Variants in PSMC6 observed in about 807,000 individuals in gnomAD.
The protein encoded by PSMC6 is 26S proteasome regulatory subunit 10B.
A neutral mutation model predicts 55.9 loss-of-function variants in PSMC6; 3 were observed. The ratio of observed to expected loss-of-function variants is 0.05; its 90% CI spans 0.02 to 0.14. The LOEUF (loss-of-function observed/expected upper bound fraction) is 0.14. PSMC6 is among the 10% of genes least tolerant of loss of function. The pLI is 1.00. For missense variants in PSMC6, 210 were observed against 478.7 expected (o/e 0.44, Z 5.24); for synonymous variants, 137 against 155.9 (o/e 0.88, Z 0.90).
chr14:52,723,015 T>G (rs1880263175), intron 12 of PSMC6: 1 of 152,240 alleles, frequency 6.6e-6, no homozygotes, highest in African/African-American at 2.4e-5. Context: ...ATTGTTGAAT[T>G]TCACTATCTT....
chr14:52,727,696 A>G lies in PSMC6; in HGVS notation c.*79A>G. The G allele has an allele frequency of 1.1e-5, 10 of 897,456 alleles. No individual in the cohort carries two copies. The highest frequency in any genetic ancestry group is 1.7e-5 in the African/African-American group (1 of 59,854). 55.6% of individuals were successfully genotyped at this position (897,456 alleles called of 1,614,324 possible). On this transcript the variant is annotated 3_prime_UTR_variant, in exon 14 of 14. Coordinates refer to ENST00000445930, the MANE Select transcript of PSMC6 (RefSeq NM_002806.5). ...TAAAGTTAAAGAAAATAATGTATGTATTGGTAATGATGTCATTAAAAGTAT... is the reference window on the plus strand; with the variant it reads ...TAAAGTTAAAGAAAATAATGTATGTGTTGGTAATGATGTCATTAAAAGTAT...
chr14:52,723,836 A>G, intron 12 of PSMC6, 129 bp from the exon 13 acceptor site: 1 of 1,441,158 alleles, frequency 6.9e-7, no homozygotes, highest in African/African-American at 1.4e-5. Context: ...AATATTGTGG[A>G]AAGTTAACAG....
chr14:52,712,394 A>AAAAAAAAAT (rs398025076), intron 6 of PSMC6, among the ~76,000 whole-genome samples: 8 of 151,662 alleles, frequency 5.3e-5, no homozygotes, highest in African/African-American at 1.9e-4. Context: ...TAAAAAAAAA[A>AAAAAAAAAT]GGCAGTTCTC....
At chr14:52,717,330 A>AT (rs71125121) in intron 7 of PSMC6, among the ~76,000 whole-genome samples, 49,730 of 110,868 alleles carry the variant, frequency 0.45, 12,581 homozygotes, top group Middle Eastern at 0.55. Context: ...GTACTTTGGA[A>AT]TTTTTTTTTT....
At position 52,724,571 on chromosome 14, in the gene PSMC6, T is replaced by TGAG. The variant is rs1566662113; in HGVS notation, c.1051+535_1051+536insGAG. On this transcript the variant is annotated intron_variant, in intron 13 of 13. Transcript: ENST00000445930. ...AATTGTGTATGTTGTCTAATACTAGTCTGTGAGCAGTGTTTTGAAAGATTG... is the reference window on the plus strand; with the variant it reads ...AATTGTGTATGTTGTCTAATACTAGTGAGCTGTGAGCAGTGTTTTGAAAGATTG... Among the ~76,000 whole-genome samples the TGAG allele has an allele frequency of 5.8e-4, 89 of 152,368 alleles. 1 individual carries two copies. Among genetic ancestry groups the TGAG allele is most frequent in the African/African-American group, 1.5e-3 (63 of 41,594 alleles).
In PSMC6 at chr14:52,724,713, T is replaced by C. The variant is rs114640558; in HGVS notation, c.1051+677T>C. Among the ~76,000 whole-genome samples, 586 of 152,380 alleles carry C rather than the reference T, an allele frequency of 3.8e-3. 3 individuals carry two copies. Among genetic ancestry groups the C allele is most frequent in the African/African-American group, 0.013 (547 of 41,594 alleles). The stretch of plus-strand genomic sequence containing the variant: ...TACATGGTATGTAAAAATTGTGTGA[T>C]GCTATTTTTATTTCCAGTACCAAGT... On this transcript the variant is annotated intron_variant, in intron 13 of 13. Transcript: ENST00000445930.
Position 52,711,003 on chromosome 14 carries a change from G to A in PSMC6, c.259-98G>A, listed in dbSNP as rs553675825. The A allele has an allele frequency of 1.7e-3, 1,230 of 710,770 alleles. 5 individuals are homozygous for A. The highest frequency in any genetic ancestry group is 2.4e-3 in the Non-Finnish European group (997 of 413,380). 44.0% of individuals were successfully genotyped at this position (710,770 alleles called of 1,614,324 possible). On this transcript the variant is annotated intron_variant, in intron 4 of 13. Transcript: ENST00000445930. ...TCTGATATTTGTGTTCTCTCTGGAGGGTAAAAATGAGTGTTTGGCTTCTAA... is the reference window on the plus strand; with the variant it reads ...TCTGATATTTGTGTTCTCTCTGGAGAGTAAAAATGAGTGTTTGGCTTCTAA...
chr14:52,708,691 C>T (rs534696454), intron 3 of PSMC6, 73 bp from the exon 4 acceptor site: 5 of 1,595,412 alleles, frequency 3.1e-6, no homozygotes, highest in South Asian at 1.1e-5. Context: ...TACAACTAAA[C>T]CCTCTGTCAA....
At chr14:52,713,289 C>T (rs2041795062) in intron 6 of PSMC6, among the ~76,000 whole-genome samples, 1 of 152,158 alleles carries the variant, frequency 6.6e-6, no homozygotes, top group Non-Finnish European at 1.5e-5. Flanking sequence ...ACTTTCAGAT[C>T]TTCAATTTCT....
At chr14:52,724,633 TGTA>T (rs1221146167) in intron 13 of PSMC6, among the ~76,000 whole-genome samples, 5 of 152,238 alleles carry the variant, frequency 3.3e-5, no homozygotes, top group Admixed American at 1.3e-4. Context: ...TTGTGTAAAA[TGTA>T]GTATTTAAAT....
Position 52,720,222 on chromosome 14 carries a change from C to CAAAAA in PSMC6, c.778-621_778-617dup, listed in dbSNP as rs34123680. On this transcript the variant is annotated intron_variant, in intron 10 of 13. Coordinates refer to ENST00000445930, the MANE Select transcript of PSMC6 (RefSeq NM_002806.5). The stretch of plus-strand genomic sequence containing the variant: ...GGGTGACAGAGCGAGAGTCTGTCTC[C>CAAAAA]AAAAAAAAAAAAAAAAAAAAAAGCA... Among the ~76,000 whole-genome samples the CAAAAA allele has an allele frequency of 5.8e-3, 364 of 62,334 alleles. 3 individuals are homozygous for CAAAAA. The highest frequency in any genetic ancestry group is 6.6e-3 in the African/African-American group (96 of 14,614). The allele number at this position is 62,334 out of a possible 152,430, so 40.9% of individuals were successfully genotyped here. A position where few individuals can be genotyped will look rare whatever the true frequency, so the allele number is the denominator to read the frequency against.
At position 52,724,097 on chromosome 14, in the gene PSMC6, T is replaced by C; in HGVS notation, c.1051+61T>C. ...GATTTTTAAAATTTGCTGAAACTGT[T>C]TTGAGTTTATCTGAAAGCGGAGCAT... On this transcript the variant is annotated intron_variant, in intron 13 of 13. Transcript: ENST00000445930. 4 of 1,481,442 alleles carry C rather than the reference T, an allele frequency of 2.7e-6. No individual in the cohort carries two copies. The South Asian group carries it at 4.6e-5, about 17-fold the overall frequency. 91.8% of individuals were successfully genotyped at this position (1,481,442 alleles called of 1,614,324 possible).
At chr14:52,714,332 G>T (rs1312866387) in intron 7 of PSMC6, among the ~76,000 whole-genome samples, 1 of 152,164 alleles carries the variant, frequency 6.6e-6, no homozygotes, top group Non-Finnish European at 1.5e-5. Context: ...AAACCACTGC[G>T]CCTGGCCATA....
chr14:52,721,223 A>G, intron 12 of PSMC6, 33 bp downstream of exon 12: 1 of 1,444,292 alleles, frequency 6.9e-7, no homozygotes, highest in East Asian at 2.3e-5. Context: ...ATGTATTTAC[A>G]TTTGGTAAAT....
intron 6 of PSMC6, among the ~76,000 whole-genome samples, chr14:52,711,929 G>C (rs2041777525): frequency 6.6e-6 from 1 of 152,158 alleles, no homozygotes; most frequent in Admixed American, 6.5e-5. Context: ...TAGGGTACCT[G>C]TTCCTTAAAT....
chr14:52,722,655 A>C (rs1004280726), intron 12 of PSMC6: 1 of 152,328 alleles, frequency 6.6e-6, no homozygotes, highest in African/African-American at 2.4e-5. Context: ...ACAAAGGAGA[A>C]GGTATAAAGT....
intron 6 of PSMC6, among the ~76,000 whole-genome samples, chr14:52,711,755 T>G (rs2041775401): frequency 6.6e-6 from 1 of 152,198 alleles, no homozygotes; most frequent in African/African-American, 2.4e-5. Context: ...GCTCTTTTTG[T>G]GGCAAAGGAA....
intron 7 of PSMC6, 41 bp from the exon 8 acceptor site, chr14:52,718,040 C>G: frequency 1.9e-6 from 3 of 1,592,306 alleles, no homozygotes; most frequent in Non-Finnish European, 2.6e-6. Context: ...AAATTTTTTT[C>G]TACCTTACCA....
At chr14:52,707,364 A>C in intron 1 of PSMC6, 60 bp downstream of exon 1, 1 of 1,602,328 alleles carries the variant, frequency 6.2e-7, no homozygotes, top group Non-Finnish European at 8.5e-7. Context: ...CCTCTGACAA[A>C]GCAGAAGCCT....
Sources: allele counts gnomAD v4.1 joint callset (sites outside exome capture counted in the v4.1 genomes callset), GRCh38; gene constraint gnomAD v4.1.1; transcripts MANE v1.5; gene names NCBI Gene and HGNC (gene_info 2026-07-23, HGNC 2026-07-21).